DACH2: variants seen among roughly 807,000 people sequenced by gnomAD.
The protein encoded by DACH2 is dachshund family transcription factor 2.
In DACH2, 17 loss-of-function variants were observed where a neutral mutation model predicts 35.8. That is an observed-to-expected ratio of 0.48 (90% CI 0.33 to 0.71). The LOEUF (loss-of-function observed/expected upper bound fraction) is 0.71. Ranked by LOEUF, DACH2 falls within the 30% of genes least tolerant of loss-of-function variation. The pLI is 0.02. For missense variants in DACH2, 469 were observed against 472.7 expected, an observed-to-expected ratio of 0.99 and a Z score of 0.07; for synonymous variants, 195 against 177.3, an observed-to-expected ratio of 1.10 and a Z score of -0.79.
intron 1 of DACH2, among the ~76,000 whole-genome samples, chrX:86,348,341 C>G (rs192908500): frequency 1.8e-5 from 2 of 112,244 alleles, no homozygotes; most frequent in South Asian, 7.4e-4. Context: ...TCTGATTAGA[C>G]TTAAACATTC....
At chrX:86,184,080 G>T (rs2031599932) in intron 1 of DACH2, among the ~76,000 whole-genome samples, 1 of 110,610 alleles carries the variant, frequency 9.0e-6, no homozygotes, top group South Asian at 3.8e-4. Context: ...TTCTTTATTA[G>T]TCTGGCTAGC....
intron 5 of DACH2, among the ~76,000 whole-genome samples, chrX:86,714,200 A>G (rs1456451904): frequency 8.9e-6 from 1 of 111,989 alleles, no homozygotes; most frequent in Non-Finnish European, 1.9e-5. Flanking sequence ...TTATGATGTT[A>G]CAAAATGGTT....
chrX:86,602,085 G>T (rs1602689062), intron 3 of DACH2, among the ~76,000 whole-genome samples: 1 of 111,546 alleles, frequency 9.0e-6, no homozygotes. Flanking sequence ...CTATAATTTT[G>T]CCCATTCAAG....
chrX:86,180,176 G>GTATATATATATATATAGATATATA (rs2031435220), intron 1 of DACH2, among the ~76,000 whole-genome samples: 1 of 42,930 alleles, frequency 2.3e-5, no homozygotes, highest in Non-Finnish European at 4.7e-5. Context: ...ATGCTAAACC[G>GTATATATATATATATAGATATATA]TATATATATA....
At chrX:86,235,314 A>C (rs1238833464) in intron 1 of DACH2, among the ~76,000 whole-genome samples, 1 of 112,290 alleles carries the variant, frequency 8.9e-6, no homozygotes, top group Non-Finnish European at 1.9e-5. Context: ...TGTCTTGTCT[A>C]GTATTCCACC....
At chrX:86,406,177 G>A (rs903328060) in intron 2 of DACH2, among the ~76,000 whole-genome samples, 1 of 111,953 alleles carries the variant, frequency 8.9e-6, no homozygotes, top group African/African-American at 3.3e-5. Flanking sequence ...AGAAAAAATA[G>A]TACATATGCA....
chrX:86,783,772 G>T (rs769136499), intron 7 of DACH2, among the ~76,000 whole-genome samples: 1 of 111,312 alleles, frequency 9.0e-6, no homozygotes, highest in African/African-American at 3.3e-5. Context: ...TTATTTTGGG[G>T]ATCTAAAGAT....
chrX:86,741,665 C>T (rs2041657475), intron 7 of DACH2, among the ~76,000 whole-genome samples: 1 of 111,469 alleles, frequency 9.0e-6, no homozygotes. Flanking sequence ...CGAGAGTCTA[C>T]AAATGAGTGA....
intron 7 of DACH2, among the ~76,000 whole-genome samples, chrX:86,773,809 GC>G (rs1342441893): frequency 9.0e-6 from 1 of 111,654 alleles, no homozygotes; most frequent in Non-Finnish European, 1.9e-5. Flanking sequence ...TTTTGCATCA[GC>G]TTTTGTCATT....
At chrX:86,622,390 T>C (rs1157030262) in intron 3 of DACH2, among the ~76,000 whole-genome samples, 3 of 111,848 alleles carry the variant, frequency 2.7e-5, no homozygotes, top group Admixed American at 9.5e-5. Context: ...CTTCAATTTT[T>C]TTCTTCTAGA....
chrX:86,288,385 C>T lies in DACH2; in HGVS notation c.489-88439C>T, dbSNP rs894315109. Among the ~76,000 whole-genome samples the T allele has an allele frequency of 9.8e-5, 11 of 111,948 alleles. No individual in the cohort carries two copies. The South Asian group carries it at 1.5e-3, about 15-fold the overall frequency. ...ACCCAAGGCCTGCTGTAACCCCTCCCTGGTTACTGCCTATGTTTGCTCAAG... is the reference window on the plus strand; with the variant it reads ...ACCCAAGGCCTGCTGTAACCCCTCCTTGGTTACTGCCTATGTTTGCTCAAG... On this transcript the variant is annotated intron_variant, in intron 1 of 11. Transcript: ENST00000373125.
intron 2 of DACH2, among the ~76,000 whole-genome samples, chrX:86,402,686 A>G (rs1307254979): frequency 8.9e-6 from 1 of 111,804 alleles, no homozygotes; most frequent in African/African-American, 3.3e-5. Flanking sequence ...TTAGTCTACA[A>G]TTCATATAGA....
chrX:86,640,731 A>G (rs73245393), intron 3 of DACH2, among the ~76,000 whole-genome samples: 326 of 111,272 alleles, frequency 2.9e-3, no homozygotes, highest in Non-Finnish European at 5.2e-3. Context: ...CACAGCTGCA[A>G]CTGTGAGGAA....
intron 1 of DACH2, among the ~76,000 whole-genome samples, chrX:86,293,403 G>A (rs979271059): frequency 1.9e-5 from 2 of 108,104 alleles, no homozygotes; most frequent in Non-Finnish European, 3.8e-5. Flanking sequence ...CCTTTTAATT[G>A]GAGCATTTAG....
chrX:86,511,783 T>C (rs893209572), intron 2 of DACH2, among the ~76,000 whole-genome samples: 2 of 111,826 alleles, frequency 1.8e-5, no homozygotes, highest in African/African-American at 6.5e-5. Context: ...ATCTTGAAGC[T>C]TGTAGGGCTT....
chrX:86,157,749 A>G (rs2030597979), intron 1 of DACH2, among the ~76,000 whole-genome samples: 1 of 111,832 alleles, frequency 8.9e-6, no homozygotes. Flanking sequence ...TCTAAAAAGT[A>G]TAGTACTATC....
At chrX:86,326,194 C>A in intron 1 of DACH2, among the ~76,000 whole-genome samples, 1 of 110,521 alleles carries the variant, frequency 9.0e-6, no homozygotes, top group Non-Finnish European at 1.9e-5. Context: ...TATCTGTATC[C>A]GGCTGGGTGC....
chrX:86,184,917 A>G (rs1253172638), intron 1 of DACH2, among the ~76,000 whole-genome samples: 1 of 111,724 alleles, frequency 9.0e-6, no homozygotes, highest in Non-Finnish European at 1.9e-5. Context: ...TTCAAAGGCT[A>G]GAATAAAGGA....
At chrX:86,523,745 G>T (rs1274479212) in intron 3 of DACH2, among the ~76,000 whole-genome samples, 1 of 110,192 alleles carries the variant, frequency 9.1e-6, no homozygotes, top group Non-Finnish European at 1.9e-5. Context: ...ATGAATCTGG[G>T]TGGGGTCAGG....
Sources: gnomAD v4.1 joint callset for allele counts (sites outside exome capture counted in the v4.1 genomes callset) on GRCh38, gnomAD v4.1.1 for gene constraint, MANE v1.5 for transcripts, NCBI Gene and HGNC (gene_info 2026-07-23, HGNC 2026-07-21) for gene names.